Variants in PARP16 observed in about 807,000 individuals in gnomAD.
PARP16 encodes the protein protein mono-ADP-ribosyltransferase PARP16.
PARP16 carries 31 observed loss-of-function variants against 35.0 expected under a neutral mutation model. The ratio of observed to expected loss-of-function variants is 0.88; its 90% CI spans 0.66 to 1.19. The LOEUF is 1.19. Among genes scored for constraint, PARP16 ranks in the 50% most tolerant of loss-of-function variants. The pLI, the probability that PARP16 is intolerant of heterozygous loss-of-function variation, is 0.00. For missense variants in PARP16, 424 were observed against 411.2 expected, an observed-to-expected ratio of 1.03 and a Z score of -0.27; for synonymous variants, 162 against 169.5, an observed-to-expected ratio of 0.96 and a Z score of 0.34.
chr15:65,275,197 G>C (rs2090214698), intron 1 of PARP16, among the ~76,000 whole-genome samples: 1 of 152,182 alleles, frequency 6.6e-6, no homozygotes, highest in Admixed American at 6.5e-5. Context: ...CTGTTGCGTA[G>C]GGGCTAAAGG....
At chr15:65,266,182 C>T (rs985511776) in intron 3 of PARP16, among the ~76,000 whole-genome samples, 3 of 152,204 alleles carry the variant, frequency 2.0e-5, no homozygotes, top group Non-Finnish European at 2.9e-5. Flanking sequence ...CCTGGGATTA[C>T]AGGCGTGAGC....
chr15:65,262,261 T>C (rs995623935), intron 4 of PARP16, among the ~76,000 whole-genome samples: 2 of 151,796 alleles, frequency 1.3e-5, no homozygotes, highest in Non-Finnish European at 2.9e-5. Context: ...GTCTCCCAAG[T>C]AGCTGGGACC....
intron 2 of PARP16, among the ~76,000 whole-genome samples, chr15:65,268,317 G>A (rs62012556): frequency 0.016 from 2,405 of 152,244 alleles, 55 homozygotes; most frequent in African/African-American, 0.049. Context: ...GCCTCACAGA[G>A]GAAGGCTTCC....
rs1013006574 is a variant in PARP16 at position 65,285,192 on chromosome 15, C to T, written c.174+1061G>A. Among the ~76,000 whole-genome samples the T allele has an allele frequency of 1.2e-4, 16 of 133,982 alleles. 1 individual carries two copies. Among genetic ancestry groups the T allele is most frequent in the African/African-American group, 1.5e-4 (6 of 39,278 alleles). 87.9% of individuals were successfully genotyped at this position (133,982 alleles called of 152,430 possible). A position where few individuals can be genotyped will look rare whatever the true frequency, so the allele number is the denominator to read the frequency against. On this transcript the variant is annotated intron_variant, in intron 1 of 5. Coordinates refer to ENST00000649807, the MANE Select transcript of PARP16 (RefSeq NM_001316943.2). ...CATTCTTGTTGCCCAGGCTGGACTGCAATGGCGCAATCTCGGCTCACCACA... is the reference window on the plus strand; with the variant it reads ...CATTCTTGTTGCCCAGGCTGGACTGTAATGGCGCAATCTCGGCTCACCACA...
At chr15:65,240,877 G>C (rs1009125444) in intron 3 of PARP16, among the ~76,000 whole-genome samples, 5 of 152,164 alleles carry the variant, frequency 3.3e-5, no homozygotes, top group Admixed American at 2.0e-4. Context: ...CTGTTGCCTA[G>C]GCTGGAGTGC....
downstream of PARP16, chr15:65,257,997 A>C (rs921469417): frequency 6.6e-6 from 1 of 152,236 alleles, no homozygotes. Flanking sequence ...TCCAGCAAAC[A>C]GCTAGTTTGA....
chr15:65,265,216 G>C (rs959860834), intron 3 of PARP16, among the ~76,000 whole-genome samples: 4 of 152,262 alleles, frequency 2.6e-5, no homozygotes, highest in African/African-American at 9.6e-5. Context: ...CTGGGGGAAA[G>C]GCCTGCAGCT....
At chr15:65,283,717 C>T (rs1197597840) in intron 1 of PARP16, among the ~76,000 whole-genome samples, 1 of 152,194 alleles carries the variant, frequency 6.6e-6, no homozygotes, top group African/African-American at 2.4e-5. Context: ...TTGTACGGCG[C>T]TTACCTAGTA....
At chr15:65,262,079 G>C (rs1263066753) in intron 4 of PARP16, among the ~76,000 whole-genome samples, 1 of 151,582 alleles carries the variant, frequency 6.6e-6, no homozygotes. Flanking sequence ...TTAGAGGCCA[G>C]AACAGTCAGT....
At chr15:65,269,398 A>G (rs571434011) in intron 2 of PARP16, among the ~76,000 whole-genome samples, 89 of 151,938 alleles carry the variant, frequency 5.9e-4, no homozygotes, top group African/African-American at 2.0e-3. Context: ...GGGTTCCACT[A>G]TGTTGGCCAG....
intron 1 of PARP16, among the ~76,000 whole-genome samples, chr15:65,280,921 T>C (rs556428537): frequency 1.6e-4 from 24 of 152,340 alleles, no homozygotes; most frequent in South Asian, 6.2e-4. Context: ...GACTTCACTA[T>C]GTGTACAAAT....
At chr15:65,249,819 C>T (rs2089306356) in intron 2 of PARP16, among the ~76,000 whole-genome samples, 1 of 152,202 alleles carries the variant, frequency 6.6e-6, no homozygotes, top group African/African-American at 2.4e-5. Flanking sequence ...GCCATGTGTG[C>T]CTCTGGGCTC....
chr15:65,249,813 T>C (rs1470678426), intron 2 of PARP16, among the ~76,000 whole-genome samples: 1 of 152,214 alleles, frequency 6.6e-6, no homozygotes, highest in African/African-American at 2.4e-5. Context: ...TTCAGTGCCA[T>C]GTGTGCCTCT....
intron 3 of PARP16, among the ~76,000 whole-genome samples, chr15:65,244,289 A>G (rs1231539984): frequency 6.6e-6 from 1 of 152,156 alleles, no homozygotes; most frequent in Non-Finnish European, 1.5e-5. Flanking sequence ...TTTACTTACT[A>G]TATTAGTCTG....
downstream of PARP16, among the ~76,000 whole-genome samples, chr15:65,232,111 G>A (rs1595969885): frequency 6.6e-6 from 1 of 152,144 alleles, no homozygotes; most frequent in South Asian, 2.1e-4. Context: ...CAAGGGGGAT[G>A]GGCATGGTGG....
intron 2 of PARP16, among the ~76,000 whole-genome samples, chr15:65,251,745 T>C (rs1482609968): frequency 6.6e-6 from 1 of 152,074 alleles, no homozygotes; most frequent in Non-Finnish European, 1.5e-5. Context: ...TTGGGTCACA[T>C]GCCTAGGTTT....
intron 3 of PARP16, among the ~76,000 whole-genome samples, chr15:65,265,235 T>A (rs1406171454): frequency 6.6e-6 from 1 of 152,226 alleles, no homozygotes; most frequent in African/African-American, 2.4e-5. Context: ...CTCCTCCAAC[T>A]ACCCTAGATG....
chr15:65,276,590 C>T (rs1194627915), intron 1 of PARP16, among the ~76,000 whole-genome samples: 3 of 151,980 alleles, frequency 2.0e-5, no homozygotes, highest in Non-Finnish European at 4.4e-5. Context: ...GGTCTCAAAA[C>T]TCCCGGGCTC....
At chr15:65,250,239 T>C (rs2089325143) in intron 2 of PARP16, among the ~76,000 whole-genome samples, 1 of 150,264 alleles carries the variant, frequency 6.7e-6, no homozygotes, top group Admixed American at 6.7e-5. Flanking sequence ...TGTCTCAGCC[T>C]GCCCAGTAGC....
Sources: gnomAD v4.1 joint callset for allele counts (sites outside exome capture counted in the v4.1 genomes callset) on GRCh38, gnomAD v4.1.1 for gene constraint, MANE v1.5 for transcripts, NCBI Gene and HGNC (gene_info 2026-07-23, HGNC 2026-07-21) for gene names.